The following CFAP107 variants were observed in gnomAD, a reference collection of about 807,000 sequenced individuals.
CFAP107 encodes the protein cilia and flagella associated protein 107, also known as cilia- and flagella-associated protein 107.
chr1:12,755,222 T>TG, the CFAP107 span, among the ~76,000 whole-genome samples: 4 of 152,028 alleles, frequency 2.6e-5, no homozygotes, highest in Non-Finnish European at 5.9e-5. Flanking sequence ...CTAGCCAACA[T>TG]GGCAAAACGC....
chr1:12,755,705 C>T, the CFAP107 span: 1 of 1,608,160 alleles, frequency 6.2e-7, no homozygotes, highest in Admixed American at 1.7e-5. Flanking sequence ...TCCAGTTCAC[C>T]AGAGACACTG....
chr1:12,758,710 G>A, the CFAP107 span, among the ~76,000 whole-genome samples: 1 of 152,144 alleles, frequency 6.6e-6, no homozygotes, highest in African/African-American at 2.4e-5. Flanking sequence ...CACTGATTCA[G>A]GCAAACATCC....
chr1:12,761,062 G>C, the CFAP107 span: 4 of 1,058,956 alleles, frequency 3.8e-6, no homozygotes, highest in Non-Finnish European at 5.3e-6. Context: ...GATCTGGCCC[G>C]TCAAAGGTGC....
At chr1:12,755,461 AAGGACAC>A in the CFAP107 span, among the ~76,000 whole-genome samples, 1 of 151,864 alleles carries the variant, frequency 6.6e-6, no homozygotes. Flanking sequence ...GAAGATGAGA[AAGGACAC>A]AGGTGCGGAT....
chr1:12,754,960 T>C, the CFAP107 span, among the ~76,000 whole-genome samples: 3 of 152,230 alleles, frequency 2.0e-5, no homozygotes, highest in African/African-American at 7.2e-5. Flanking sequence ...ACAGCGTGAA[T>C]GTCACTGAAC....
the CFAP107 span, chr1:12,759,583 G>A: frequency 7.0e-7 from 1 of 1,420,376 alleles, no homozygotes; most frequent in Non-Finnish European, 9.9e-7. Flanking sequence ...AGCCACACAG[G>A]TGACCCTGGC....
At chr1:12,759,450 G>A in the CFAP107 span, 2 of 1,614,150 alleles carry the variant, frequency 1.2e-6, no homozygotes, top group South Asian at 1.1e-5. Context: ...GACAGAAGTT[G>A]CTGTGGCTGC....
At chr1:12,763,039 G>A in the CFAP107 span, 1 of 151,936 alleles carries the variant, frequency 6.6e-6, no homozygotes, top group African/African-American at 2.4e-5. Flanking sequence ...ATACAAAAAT[G>A]AGCTGGCATA....
chr1:12,761,072 C>G, the CFAP107 span: 1 of 955,698 alleles, frequency 1.0e-6, no homozygotes, highest in East Asian at 2.7e-5. Context: ...GTCAAAGGTG[C>G]TCTCAGAATC....
chr1:12,759,957 C>T, the CFAP107 span, among the ~76,000 whole-genome samples: 6 of 151,790 alleles, frequency 4.0e-5, no homozygotes, highest in Admixed American at 6.6e-5. Context: ...CAGGAGTGTG[C>T]GCTATAAAGA....
At chr1:12,761,805 G>C in the CFAP107 span, 1 of 152,316 alleles carries the variant, frequency 6.6e-6, no homozygotes, top group African/African-American at 2.4e-5. Flanking sequence ...AAAGTGCTGG[G>C]ATTAGCAGGC....
At chr1:12,749,423 C>G in the CFAP107 span, among the ~76,000 whole-genome samples, 44 of 152,194 alleles carry the variant, frequency 2.9e-4, no homozygotes, top group African/African-American at 9.9e-4. Flanking sequence ...ACCAGCTGGG[C>G]AACATGGTAA....
At chr1:12,750,350 T>C in the CFAP107 span, among the ~76,000 whole-genome samples, 1 of 151,954 alleles carries the variant, frequency 6.6e-6, no homozygotes, top group Admixed American at 6.5e-5. Flanking sequence ...AGAAAACAAA[T>C]ACTAAAATGG....
chr1:12,757,872 CA>C, the CFAP107 span, among the ~76,000 whole-genome samples: 2 of 151,966 alleles, frequency 1.3e-5, no homozygotes, highest in Non-Finnish European at 2.9e-5. Flanking sequence ...CCTTGTTAGG[CA>C]AAAATGACTC....
the CFAP107 span, chr1:12,760,718 G>A: frequency 6.4e-7 from 1 of 1,566,312 alleles, no homozygotes; most frequent in South Asian, 1.2e-5. Flanking sequence ...GCCATTTAGA[G>A]CAAGACTCCT....
chr1:12,753,145 AG>A, the CFAP107 span, among the ~76,000 whole-genome samples: 1 of 152,342 alleles, frequency 6.6e-6, no homozygotes, highest in Non-Finnish European at 1.5e-5. Flanking sequence ...AGTATTTAAG[AG>A]TAGACTTAAC....
chr1:12,751,944 G>C, the CFAP107 span, among the ~76,000 whole-genome samples: 1 of 152,222 alleles, frequency 6.6e-6, no homozygotes, highest in East Asian at 1.9e-4. Context: ...TCTATAACTA[G>C]TGAAGAGATT....
the CFAP107 span, chr1:12,746,616 A>C: frequency 5.6e-6 from 6 of 1,074,146 alleles, no homozygotes; most frequent in African/African-American, 4.7e-5. Flanking sequence ...GTTCATCACT[A>C]TTTTCAAATG....
chr1:12,755,075 AG>A, the CFAP107 span, among the ~76,000 whole-genome samples: 1 of 152,218 alleles, frequency 6.6e-6, no homozygotes, highest in Admixed American at 6.5e-5. Context: ...GTAATTTGAA[AG>A]GTGAGAGAGT....
Sources: allele counts gnomAD v4.1 joint callset (sites outside exome capture counted in the v4.1 genomes callset), GRCh38; gene constraint gnomAD v4.1.1; transcripts MANE v1.5; gene names NCBI Gene and HGNC (gene_info 2026-07-23, HGNC 2026-07-21).